The following SMYD3 variants were observed in gnomAD, a reference collection of about 807,000 sequenced individuals.
SMYD3 encodes the protein SET and MYND domain containing 3, also known as histone-lysine N-methyltransferase SMYD3.
Under a neutral mutation model 57.7 loss-of-function variants are expected in SMYD3, and 36 were observed. The observed-to-expected ratio is 0.62, with a 90% CI of 0.48 to 0.82. SMYD3 has a LOEUF of 0.82. Ranked by LOEUF, SMYD3 falls within the 40% of genes least tolerant of loss-of-function variation. SMYD3 has a pLI of 0.00. For synonymous variants in SMYD3, 211 were observed against 195.0 expected, an observed-to-expected ratio of 1.08 and a Z score of -0.68; for missense variants, 515 against 538.8, an observed-to-expected ratio of 0.96 and a Z score of 0.44.
At chr1:246,405,399 C>T (rs6678204) in intron 1 of SMYD3, among the ~76,000 whole-genome samples, 17,348 of 151,998 alleles carry the variant, frequency 0.11, 1,985 homozygotes, top group East Asian at 0.32. Context: ...ATATACAATA[C>T]GTTGTGGTTA....
At chr1:246,300,392 G>A (rs974184039) in intron 5 of SMYD3, among the ~76,000 whole-genome samples, 1 of 152,142 alleles carries the variant, frequency 6.6e-6, no homozygotes, top group Non-Finnish European at 1.5e-5. Flanking sequence ...TAATGTGATG[G>A]CTGTCTATAG....
At chr1:245,843,926 G>A (rs1471742368) in intron 10 of SMYD3, among the ~76,000 whole-genome samples, 3 of 152,156 alleles carry the variant, frequency 2.0e-5, no homozygotes, top group African/African-American at 7.2e-5. Context: ...AATTATTTGG[G>A]TACAATTCCA....
intron 5 of SMYD3, among the ~76,000 whole-genome samples, chr1:246,037,719 G>A (rs1053794797): frequency 2.6e-5 from 4 of 152,168 alleles, no homozygotes; most frequent in African/African-American, 9.7e-5. Context: ...CCTCACCTCT[G>A]TAAGTTGCCC....
chr1:245,751,215 T>A (rs1427426870), intron 11 of SMYD3, among the ~76,000 whole-genome samples: 1 of 152,206 alleles, frequency 6.6e-6, no homozygotes, highest in Non-Finnish European at 1.5e-5. Context: ...CCAGAATAGA[T>A]TTTTTGCCTT....
intron 5 of SMYD3, among the ~76,000 whole-genome samples, chr1:246,174,192 G>C (rs1398662934): frequency 1.3e-5 from 2 of 152,100 alleles, no homozygotes. Flanking sequence ...GAGCAACACA[G>C]TCATTTCTTA....
At chr1:246,125,545 A>C (rs978401640) in intron 5 of SMYD3, among the ~76,000 whole-genome samples, 2 of 152,222 alleles carry the variant, frequency 1.3e-5, no homozygotes, top group African/African-American at 4.8e-5. Flanking sequence ...TAAAATTTTT[A>C]GCTATTTAAT....
intron 5 of SMYD3, among the ~76,000 whole-genome samples, chr1:246,255,328 AATTATT>A (rs1037976869): frequency 1.3e-5 from 2 of 149,522 alleles, no homozygotes; most frequent in African/African-American, 2.4e-5. Flanking sequence ...TTATAATAAT[AATTATT>A]ATTATTATTA....
At chr1:245,801,822 AAAAAC>A (rs1000871671) in intron 10 of SMYD3, among the ~76,000 whole-genome samples, 5 of 152,172 alleles carry the variant, frequency 3.3e-5, no homozygotes, top group South Asian at 2.1e-4. Flanking sequence ...GTAGCTTTAA[AAAAAC>A]AAAACAAAAC....
intron 5 of SMYD3, among the ~76,000 whole-genome samples, chr1:246,097,413 CA>C (rs2060935316): frequency 1.3e-5 from 2 of 152,176 alleles, no homozygotes; most frequent in African/African-American, 2.4e-5. Flanking sequence ...GACAAGGTTC[CA>C]GGAGAGAGAG....
At chr1:245,950,868 A>G (rs1205598882) in intron 5 of SMYD3, among the ~76,000 whole-genome samples, 2 of 152,174 alleles carry the variant, frequency 1.3e-5, no homozygotes, top group East Asian at 3.9e-4. Flanking sequence ...TTCACCTATC[A>G]CACCGCTCTC....
rs149706720 is a variant in SMYD3 at position 246,271,549 on chromosome 1, T to C, written c.531+55652A>G. Among the ~76,000 whole-genome samples, 71 of 152,336 alleles carry C rather than the reference T, an allele frequency of 4.7e-4. 2 individuals are homozygous for C. The South Asian group carries it at 0.013, about 28-fold the overall frequency. Reference sequence around the variant, plus strand: ...AGTTGTCCTGGCACCATTTGTTGAATTGACTGTGCTTTCTCCATTGAAGGG... The same window carrying C: ...AGTTGTCCTGGCACCATTTGTTGAACTGACTGTGCTTTCTCCATTGAAGGG... On this transcript the variant is annotated intron_variant, in intron 5 of 11. Coordinates refer to ENST00000490107, the MANE Select transcript of SMYD3 (RefSeq NM_001167740.2).
At chr1:245,971,393 A>G (rs1028876280) in intron 5 of SMYD3, among the ~76,000 whole-genome samples, 3 of 152,132 alleles carry the variant, frequency 2.0e-5, no homozygotes, top group Admixed American at 2.0e-4. Flanking sequence ...GTGTATACCT[A>G]TGTAACAAAG....
In SMYD3 at chr1:246,359,322, T is replaced by C. The variant is rs549235613; in HGVS notation, c.165-4228A>G. Among the ~76,000 whole-genome samples, 12 of 152,058 alleles carry C rather than the reference T, an allele frequency of 7.9e-5. No individual in the cohort carries two copies. In the East Asian group the frequency reaches 2.3e-3, roughly 29 times the overall value. ...CAGCAAGACTGAAATAGTAATTCTTTAAAAATTGCCAACAAGAAAAGTCTA... is the reference window on the plus strand; with the variant it reads ...CAGCAAGACTGAAATAGTAATTCTTCAAAAATTGCCAACAAGAAAAGTCTA... On this transcript the variant is annotated intron_variant, in intron 1 of 11. Transcript: ENST00000490107.
At chr1:246,374,699 T>C (rs934406270) in intron 1 of SMYD3, among the ~76,000 whole-genome samples, 1 of 152,188 alleles carries the variant, frequency 6.6e-6, no homozygotes, top group Non-Finnish European at 1.5e-5. Context: ...TGGCCGGGCA[T>C]AGTGGCTCAT....
chr1:245,842,140 G>A (rs1275136215), intron 10 of SMYD3, among the ~76,000 whole-genome samples: 5 of 152,106 alleles, frequency 3.3e-5, no homozygotes, highest in African/African-American at 4.8e-5. Context: ...TGACGATTGC[G>A]TGACAACAAA....
At chr1:246,378,762 ATAT>A (rs2066329459) in intron 1 of SMYD3, among the ~76,000 whole-genome samples, 1 of 118,428 alleles carries the variant, frequency 8.4e-6, no homozygotes, top group African/African-American at 3.3e-5. Flanking sequence ...TATATTTAAT[ATAT>A]TATATATAAT....
chr1:246,317,972 G>T (rs2065191975), intron 5 of SMYD3, among the ~76,000 whole-genome samples: 1 of 152,062 alleles, frequency 6.6e-6, no homozygotes, highest in Non-Finnish European at 1.5e-5. Flanking sequence ...TAGTATAATG[G>T]CAGTCTCTAT....
At position 245,974,012 on chromosome 1, in the gene SMYD3, T is replaced by A. The variant is rs114426925; in HGVS notation, c.532-44075A>T. ...CATCATTAATACCTATGCTTATAGGTCTAAACAGTTTCAATCAAGTCACAA... is the reference window on the plus strand; with the variant it reads ...CATCATTAATACCTATGCTTATAGGACTAAACAGTTTCAATCAAGTCACAA... On this transcript the variant is annotated intron_variant, in intron 5 of 11. Transcript: ENST00000490107. Among the ~76,000 whole-genome samples the A allele has an allele frequency of 5.9e-3, 895 of 152,210 alleles. 14 individuals carry two copies. Among genetic ancestry groups the A allele is most frequent in the African/African-American group, 0.02 (837 of 41,530 alleles).
intron 5 of SMYD3, among the ~76,000 whole-genome samples, chr1:246,310,746 T>C (rs1189433812): frequency 1.4e-5 from 2 of 143,234 alleles, no homozygotes; most frequent in Admixed American, 7.3e-5. Flanking sequence ...CTTGGCTCAC[T>C]GCAACCTCTG....
Sources: gnomAD v4.1 joint callset for allele counts (sites outside exome capture counted in the v4.1 genomes callset) on GRCh38, gnomAD v4.1.1 for gene constraint, MANE v1.5 for transcripts, NCBI Gene and HGNC (gene_info 2026-07-23, HGNC 2026-07-21) for gene names.